The following AFAP1L1 variants were observed in gnomAD, a reference collection of about 807,000 sequenced individuals.
The protein encoded by AFAP1L1 is actin filament associated protein 1 like 1.
AFAP1L1 carries 77 observed loss-of-function variants against 99.8 expected under a neutral mutation model. The ratio of observed to expected loss-of-function variants is 0.77; its 90% CI spans 0.64 to 0.93. The LOEUF (loss-of-function observed/expected upper bound fraction) is 0.93. Among genes scored for constraint, AFAP1L1 ranks in the 40% least tolerant of loss-of-function variants. The pLI is 0.00. For synonymous variants in AFAP1L1, 373 were observed against 395.3 expected (o/e 0.94, Z 0.67); for missense variants, 893 against 996.8 (o/e 0.90, Z 1.40).
intron 3 of AFAP1L1, 107 bp from the exon 4 acceptor site, chr5:149,301,026 G>C: frequency 3.6e-6 from 3 of 842,438 alleles, no homozygotes; most frequent in Non-Finnish European, 5.8e-6. Context: ...AGGGGTGGTG[G>C]AGCCCGACCT....
chr5:149,334,730 G>A (rs536336158), intron 17 of AFAP1L1, among the ~76,000 whole-genome samples: 1 of 152,084 alleles, frequency 6.6e-6, no homozygotes, highest in Non-Finnish European at 1.5e-5. Context: ...TGGCCAACAT[G>A]GTGAAACCCC....
intron 17 of AFAP1L1, 118 bp from the exon 18 acceptor site, chr5:149,335,476 T>C (rs1283852298): frequency 5.9e-6 from 8 of 1,347,158 alleles, no homozygotes; most frequent in Non-Finnish European, 8.0e-6. Flanking sequence ...TGACAGAGAC[T>C]CTGTCTCAAA....
chr5:149,338,469 A>C (rs1224570988), intron 18 of AFAP1L1, among the ~76,000 whole-genome samples: 2 of 152,210 alleles, frequency 1.3e-5, no homozygotes, highest in Non-Finnish European at 2.9e-5. Flanking sequence ...CCCTGTCTCA[A>C]AAAAAGCATG....
At chr5:149,326,117 T>C (rs1053936244) in intron 15 of AFAP1L1, among the ~76,000 whole-genome samples, 1 of 152,158 alleles carries the variant, frequency 6.6e-6, no homozygotes, top group Non-Finnish European at 1.5e-5. Flanking sequence ...CTGACTTTAG[T>C]TGGAACAGAG....
intron 11 of AFAP1L1, 59 bp from the exon 12 acceptor site, chr5:149,317,670 T>G (rs1375184121): frequency 3.8e-6 from 6 of 1,575,358 alleles, no homozygotes; most frequent in Non-Finnish European, 5.2e-6. Flanking sequence ...GGAGCCGCCT[T>G]GCGTCCCCAT....
intron 15 of AFAP1L1, among the ~76,000 whole-genome samples, chr5:149,323,165 G>C (rs1757003344): frequency 6.6e-6 from 1 of 152,170 alleles, no homozygotes; most frequent in South Asian, 2.1e-4. Context: ...CAAATAGAGA[G>C]AGAGAGATTG....
At chr5:149,280,368 C>T (rs899035797) in intron 1 of AFAP1L1, among the ~76,000 whole-genome samples, 1 of 152,158 alleles carries the variant, frequency 6.6e-6, no homozygotes, top group Non-Finnish European at 1.5e-5. Flanking sequence ...TTATCTAAAG[C>T]AGTGGTTCTC....
At chr5:149,293,728 T>C (rs1755931164) in intron 1 of AFAP1L1, among the ~76,000 whole-genome samples, 1 of 152,230 alleles carries the variant, frequency 6.6e-6, no homozygotes, top group Non-Finnish European at 1.5e-5. Flanking sequence ...CAACATGCAA[T>C]ATGGCTATCA....
In AFAP1L1 at chr5:149,342,494, A is replaced by G. The variant is rs1189955797; in HGVS notation, c.*2464A>G. On this transcript the variant is annotated 3_prime_UTR_variant, in exon 19 of 19. Transcript: ENST00000296721. Reference sequence around the variant, plus strand: ...GTACTGCAACATTCAGAAGCACACTAGCACTTAATAAATAGACGAATGAAT... The same window carrying G: ...GTACTGCAACATTCAGAAGCACACTGGCACTTAATAAATAGACGAATGAAT... Among the ~76,000 whole-genome samples, 1 of 152,256 alleles carries G rather than the reference A, an allele frequency of 6.6e-6. No individual in the cohort carries two copies. Among genetic ancestry groups the G allele is most frequent in the African/African-American group, 2.4e-5 (1 of 41,470 alleles).
Position 149,332,887 on chromosome 5 carries a change from C to G in AFAP1L1, c.2154+14C>G. 1 of 1,555,652 alleles carries G rather than the reference C, an allele frequency of 6.4e-7. No homozygotes were observed. Among genetic ancestry groups the G allele is most frequent in the East Asian group, 2.3e-5 (1 of 43,042 alleles). On this transcript the variant is annotated intron_variant, in intron 17 of 18. Coordinates refer to ENST00000296721, the MANE Select transcript of AFAP1L1 (RefSeq NM_152406.4). ...CCCAAGAGTGGGGTGAGTCCAGGCC[C>G]TTCCATGCCAGGGGCAGCTACTCCT...
chr5:149,296,686 G>A lies in AFAP1L1; in HGVS notation c.17-2823G>A, dbSNP rs1023676060. On this transcript the variant is annotated intron_variant, in intron 1 of 18. Coordinates refer to ENST00000296721, the MANE Select transcript of AFAP1L1 (RefSeq NM_152406.4). The stretch of plus-strand genomic sequence containing the variant: ...GGGGCCAGGCTGACACATAGTTAGT[G>A]CTCAGTAAATGTTTTGGAATTGAGT... Among the ~76,000 whole-genome samples the A allele has an allele frequency of 3.3e-5, 5 of 152,326 alleles. No homozygotes were observed. The East Asian group carries it at 5.8e-4, about 18-fold the overall frequency.
At chr5:149,312,225 T>A (rs375542540) in intron 9 of AFAP1L1, 21 bp downstream of exon 9, 7 of 1,612,258 alleles carry the variant, frequency 4.3e-6, no homozygotes, top group Non-Finnish European at 5.9e-6. Flanking sequence ...CTCCACTAAG[T>A]CTTCCCCAGG....
At chr5:149,293,344 A>G (rs1303918394) in intron 1 of AFAP1L1, among the ~76,000 whole-genome samples, 1 of 152,238 alleles carries the variant, frequency 6.6e-6, no homozygotes, top group African/African-American at 2.4e-5. Flanking sequence ...AGGGGAGCCC[A>G]AATTCTCCAA....
At position 149,319,624 on chromosome 5, in the gene AFAP1L1, CTGG is replaced by C. The variant is rs1196743634; in HGVS notation, c.1526_1528del (p.Val509del). The C allele has an allele frequency of 1.2e-6, 2 of 1,613,318 alleles. No homozygotes were observed. The highest frequency in any genetic ancestry group is 1.7e-5 in the Admixed American group (1 of 60,008). ...CATGGGTCGCTGGCTCGGGCTGCTG[CTGG>C]TGGAGATGGGCTCCAGAGTCACTCC... On this transcript the variant is annotated inframe_deletion, in exon 13 of 19. Coordinates refer to ENST00000296721, the MANE Select transcript of AFAP1L1 (RefSeq NM_152406.4).
At chr5:149,295,907 G>C (rs1756002432) in intron 1 of AFAP1L1, among the ~76,000 whole-genome samples, 1 of 152,184 alleles carries the variant, frequency 6.6e-6, no homozygotes, top group South Asian at 2.1e-4. Flanking sequence ...CTGTGGTGAA[G>C]GGGTAACTTT....
intron 5 of AFAP1L1, chr5:149,302,801 C>A: frequency 3.2e-6 from 1 of 308,642 alleles, no homozygotes; most frequent in Non-Finnish European, 6.1e-6. Flanking sequence ...CTCTGTGCTT[C>A]CACCCTTAAA....
intron 1 of AFAP1L1, among the ~76,000 whole-genome samples, chr5:149,296,624 G>A (rs2127593117): frequency 6.6e-6 from 1 of 152,292 alleles, no homozygotes; most frequent in South Asian, 2.1e-4. Context: ...GGGACAGTTG[G>A]AACAATCTCT....
intron 5 of AFAP1L1, chr5:149,302,796 T>C: frequency 2.8e-6 from 1 of 355,338 alleles, no homozygotes; most frequent in Non-Finnish European, 5.2e-6. Context: ...TGGATCTCTG[T>C]GCTTCCACCC....
rs764609464 is a variant in AFAP1L1, at chr5:149,320,435, A to G, written c.1670A>G (p.Tyr557Cys). Reference protein sequence around the residue: ...CQNQWPEPRVYDDVPYEKMQD... With the variant: ...CQNQWPEPRVCDDVPYEKMQD... ...AATCAGTGGCCTGAGCCCCGAGTCT[A>G]TGATGATGTTCCTTATGAAAAGATG... Residue 557 changes from tyrosine (Y) to cysteine (C), a missense_variant, in exon 14 of 19, where the codon TAT becomes TGT. Tyr to Cys is a radical substitution (Grantham distance 194). Coordinates refer to ENST00000296721, the MANE Select transcript of AFAP1L1 (RefSeq NM_152406.4). This position sits in a 1 kb window ranked among gnomAD's most constrained non-coding sequence, Gnocchi z 4.0. 1.4e-5 allele frequency: 22 copies of G among 1,614,226 alleles called. No individual in the cohort carries two copies. The highest frequency in any genetic ancestry group is 1.6e-4 in the Middle Eastern group (1 of 6,062).
Sources: allele counts gnomAD v4.1 joint callset (sites outside exome capture counted in the v4.1 genomes callset), GRCh38; gene constraint gnomAD v4.1.1; non-coding constraint Gnocchi (gnomAD v3.1); transcripts MANE v1.5; gene names NCBI Gene and HGNC (gene_info 2026-07-23, HGNC 2026-07-21).